Variants in CCDC178 observed in about 807,000 individuals in gnomAD.
The protein encoded by CCDC178 is coiled-coil domain-containing protein 178.
CCDC178 carries 126 observed loss-of-function variants against 117.4 expected under a neutral mutation model. The ratio of observed to expected loss-of-function variants is 1.07; its 90% confidence interval spans 0.93 to 1.24. CCDC178 has a LOEUF of 1.24. CCDC178 is among the 50% of genes most tolerant of loss of function. CCDC178 has a pLI of 0.00. For synonymous variants in CCDC178, 283 were observed against 313.4 expected (o/e 0.90, Z 1.02); for missense variants, 1,030 against 986.9 (o/e 1.04, Z -0.59).
chr18:33,380,891 G>T (rs2063431857), intron 5 of CCDC178, among the ~76,000 whole-genome samples: 1 of 152,184 alleles, frequency 6.6e-6, no homozygotes, highest in African/African-American at 2.4e-5. Flanking sequence ...AGGCCAACAA[G>T]CCAGAGATAG....
intron 20 of CCDC178, among the ~76,000 whole-genome samples, chr18:33,107,927 C>A (rs1255994328): frequency 6.6e-6 from 1 of 151,622 alleles, no homozygotes; most frequent in East Asian, 1.9e-4. Context: ...TCTTTTTGTA[C>A]CTCTGCATTT....
intron 20 of CCDC178, among the ~76,000 whole-genome samples, chr18:33,106,984 T>TTTTGGTGTTAGTCCCTTTGCCA (rs2057715366): frequency 6.6e-6 from 1 of 151,636 alleles, no homozygotes; most frequent in African/African-American, 2.4e-5. Context: ...TTGCAAGAAA[T>TTTTGGTGTTAGTCCCTTTGCCA]TGAATTCTGT....
At chr18:33,053,837 A>G (rs1049220098) in intron 21 of CCDC178, among the ~76,000 whole-genome samples, 1 of 152,222 alleles carries the variant, frequency 6.6e-6, no homozygotes, top group Non-Finnish European at 1.5e-5. Flanking sequence ...GTAACACTTT[A>G]TGACAACTTT....
chr18:33,370,086 T>C lies in CCDC178; in HGVS notation c.312A>G (p.Gln104=), dbSNP rs1302544439. ...GCTCCTGTATTTTGGACTCCACATC[T>C]TGGATGTGTGAAATCATTTTGTTGA... The part of the protein sequence containing the change: ...PCVNKMISHI[Q]DVESKIQEHL... Residue 104 remains glutamine (Q), a synonymous_variant, in exon 6 of 23, where the codon CAA becomes CAG. Transcript: ENST00000383096. 3 of 1,604,342 alleles carry C rather than the reference T, an allele frequency of 1.9e-6. No homozygotes were observed. The African/African-American group carries it at 4.0e-5, about 22-fold the overall frequency.
intron 10 of CCDC178, among the ~76,000 whole-genome samples, chr18:33,329,067 T>C (rs1053040782): frequency 2.6e-5 from 4 of 152,124 alleles, no homozygotes; most frequent in Non-Finnish European, 5.9e-5. Flanking sequence ...TATATGGAAT[T>C]GTTTTCTTAA....
At chr18:33,233,682 C>T (rs796500601) in intron 15 of CCDC178, among the ~76,000 whole-genome samples, 34 of 152,068 alleles carry the variant, frequency 2.2e-4, no homozygotes, top group African/African-American at 8.2e-4. Flanking sequence ...ATTTGTCAGG[C>T]TCCAGGTTGA....
chr18:33,319,595 T>C (rs1013121336), intron 11 of CCDC178, among the ~76,000 whole-genome samples: 4 of 152,200 alleles, frequency 2.6e-5, no homozygotes, highest in African/African-American at 9.7e-5. Flanking sequence ...TTTCTAGTTC[T>C]AGATCCTTGA....
At chr18:33,337,563 C>A (rs1342692674) in intron 9 of CCDC178, among the ~76,000 whole-genome samples, 2 of 151,994 alleles carry the variant, frequency 1.3e-5, no homozygotes, top group East Asian at 1.9e-4. Context: ...TAAAAATGGG[C>A]ACGTAGACCA....
intron 12 of CCDC178, among the ~76,000 whole-genome samples, chr18:33,268,920 A>T (rs1484099460): frequency 1.3e-5 from 2 of 151,866 alleles, no homozygotes; most frequent in Non-Finnish European, 2.9e-5. Flanking sequence ...AGAAGAGTGC[A>T]CTTTGTGGTG....
At chr18:32,976,706 T>C (rs1238375943) in intron 21 of CCDC178, among the ~76,000 whole-genome samples, 2 of 152,114 alleles carry the variant, frequency 1.3e-5, no homozygotes, top group Non-Finnish European at 2.9e-5. Flanking sequence ...TATTAAAATA[T>C]GACCTTGCAG....
intron 21 of CCDC178, among the ~76,000 whole-genome samples, chr18:32,993,650 A>G (rs1003582595): frequency 6.6e-6 from 1 of 152,122 alleles, no homozygotes; most frequent in Non-Finnish European, 1.5e-5. Flanking sequence ...TTTATCATGC[A>G]CAGATAGGGA....
chr18:33,146,645 T>C (rs1407834407), intron 20 of CCDC178, among the ~76,000 whole-genome samples: 1 of 152,172 alleles, frequency 6.6e-6, no homozygotes, highest in East Asian at 1.9e-4. Flanking sequence ...AGTGAGACCT[T>C]GTCTCAATCA....
intron 5 of CCDC178, among the ~76,000 whole-genome samples, chr18:33,378,110 TATG>T (rs2144782866): frequency 6.6e-6 from 1 of 152,362 alleles, no homozygotes; most frequent in South Asian, 2.1e-4. Flanking sequence ...CTGTGTCATC[TATG>T]ATTTCTTTCA....
At chr18:33,319,326 A>T (rs1655359918) in intron 11 of CCDC178, among the ~76,000 whole-genome samples, 1 of 152,036 alleles carries the variant, frequency 6.6e-6, no homozygotes, top group African/African-American at 2.4e-5. Flanking sequence ...TTTGCGGAGA[A>T]TGATGGTTTC....
At chr18:33,340,785 C>T (rs562070463) in intron 9 of CCDC178, among the ~76,000 whole-genome samples, 12 of 152,148 alleles carry the variant, frequency 7.9e-5, no homozygotes, top group African/African-American at 1.9e-4. Flanking sequence ...TGAGAACCTC[C>T]GCCTAAATTT....
rs143677888 is a variant in CCDC178 at position 33,240,082 on chromosome 18, T to C, written c.1593+5163A>G. On this transcript the variant is annotated intron_variant, in intron 15 of 22. Coordinates refer to ENST00000383096, the MANE Select transcript of CCDC178 (RefSeq NM_001105528.4). Reference sequence around the variant, plus strand: ...AAGAAAACTAGAAATTGATAATAAGTAGAAGATTAAAACTATACAAATGCA... The same window carrying C: ...AAGAAAACTAGAAATTGATAATAAGCAGAAGATTAAAACTATACAAATGCA... Among the ~76,000 whole-genome samples the C allele has an allele frequency of 5.7e-4, 87 of 152,000 alleles. No individual in the cohort carries two copies. In the Middle Eastern group the frequency reaches 0.014, roughly 24 times the overall value.
Position 33,159,048 on chromosome 18 carries a change from A to T in CCDC178, c.2238+52848T>A, listed in dbSNP as rs1442629618. On this transcript the variant is annotated intron_variant, in intron 20 of 22. Transcript: ENST00000383096. Reference sequence around the variant, plus strand: ...TGCATAATAGAACTCACTTTTTCATAAGAAAAATGTTCTTATGAATAAACA... The same window carrying T: ...TGCATAATAGAACTCACTTTTTCATTAGAAAAATGTTCTTATGAATAAACA... Among the ~76,000 whole-genome samples, 6 of 152,126 alleles carry T rather than the reference A, an allele frequency of 3.9e-5. 1 individual carries two copies. Among genetic ancestry groups the T allele is most frequent in the Admixed American group, 3.9e-4 (6 of 15,270 alleles).
At chr18:33,407,868 C>CT (rs1027043675) in intron 3 of CCDC178, among the ~76,000 whole-genome samples, 3 of 151,576 alleles carry the variant, frequency 2.0e-5, no homozygotes, top group African/African-American at 4.8e-5. Context: ...AATATATTAT[C>CT]TTTTTTGGAG....
At chr18:33,044,662 A>G (rs1203065061) in intron 21 of CCDC178, among the ~76,000 whole-genome samples, 1 of 152,182 alleles carries the variant, frequency 6.6e-6, no homozygotes, top group African/African-American at 2.4e-5. Context: ...TGATCTGGGT[A>G]TATACCCAAA....
Sources: gnomAD v4.1 joint callset for allele counts (sites outside exome capture counted in the v4.1 genomes callset) on GRCh38, gnomAD v4.1.1 for gene constraint, MANE v1.5 for transcripts, NCBI Gene and HGNC (gene_info 2026-07-23, HGNC 2026-07-21) for gene names.